The following CCDC144A variants were observed in gnomAD, a reference collection of about 807,000 sequenced individuals.
CCDC144A encodes the protein coiled-coil domain-containing protein 144A.
Under a neutral mutation model 143.8 loss-of-function variants are expected in CCDC144A, and 41 were observed. That is an observed-to-expected ratio of 0.29 (90% CI 0.22 to 0.37). The LOEUF is 0.37. Among genes scored for constraint, CCDC144A ranks in the 10% least tolerant of loss-of-function variants. CCDC144A has a pLI of 1.00. For missense variants in CCDC144A, 637 were observed against 1,488.8 expected (o/e 0.43, Z 9.41); for synonymous variants, 242 against 517.9 (o/e 0.47, Z 7.23).
At chr17:16,704,235 A>G (rs1275791112) in intron 2 of CCDC144A, among the ~76,000 whole-genome samples, 2 of 152,146 alleles carry the variant, frequency 1.3e-5, no homozygotes, top group Non-Finnish European at 1.5e-5. Flanking sequence ...CAGGCGGATC[A>G]TGAGGTCAGG....
At chr17:16,746,278 T>TC in intron 12 of CCDC144A, 1 of 1,268,436 alleles carries the variant, frequency 7.9e-7, no homozygotes, top group Non-Finnish European at 1.1e-6. Context: ...TCTCTTTTTT[T>TC]TTTTTTTTGC....
At position 16,761,492 on chromosome 17, in the gene CCDC144A, T is replaced by G; in HGVS notation, c.3440T>G (p.Val1147Gly). ...RCLHLDAENEVLQLQQTLFSM... is the reference protein window; with the variant it reads ...RCLHLDAENEGLQLQQTLFSM... ...CTACATCTGGATGCAGAGAATGAAG[T>G]TCTTCAACTTCAACAGACATTATTC... The change falls in exon 13 of 17, where the codon GTT becomes GGT. Residue 1147 changes from valine to glycine, a missense_variant. Physicochemically the swap from Val to Gly is moderately radical, Grantham distance 109 (BLOSUM62 -3). Transcript: ENST00000399273. The G allele has an allele frequency of 6.3e-7, 1 of 1,578,780 alleles. No homozygotes were observed. Among genetic ancestry groups the G allele is most frequent in the Admixed American group, 1.8e-5 (1 of 54,176 alleles).
intron 12 of CCDC144A, among the ~76,000 whole-genome samples, chr17:16,753,447 T>G (rs1379469907): frequency 5.8e-4 from 76 of 131,432 alleles, no homozygotes; most frequent in East Asian, 1.3e-3. Flanking sequence ...TTTTTTTTTT[T>G]TTTTTTTTTG....
intron 3 of CCDC144A, 91 bp from the exon 4 acceptor site, chr17:16,707,378 A>G: frequency 1.5e-6 from 1 of 671,734 alleles, no homozygotes; most frequent in South Asian, 2.0e-5. Flanking sequence ...TATGAAATAA[A>G]ATGAAATGTA....
rs1348958545 is a variant in CCDC144A, at chr17:16,751,266, C to CT, written c.3373-10152dup. 5.9e-5 allele frequency among the ~76,000 whole-genome samples: 9 copies of CT among 151,548 alleles called. No homozygotes were observed. The East Asian group carries it at 1.7e-3, about 29-fold the overall frequency. Reference sequence around the variant, plus strand: ...TGTGTATTGTGTATAGTTGATTGGCCTTTTTTTCTGGGTGGTTTCAGATGG... The same window carrying CT: ...TGTGTATTGTGTATAGTTGATTGGCCTTTTTTTTCTGGGTGGTTTCAGATGG... On this transcript the variant is annotated intron_variant, in intron 12 of 16. Transcript: ENST00000399273.
At chr17:16,684,117 G>A in the CCDC144A span, 1 of 1,125,618 alleles carries the variant, frequency 8.9e-7, no homozygotes, top group Non-Finnish European at 1.4e-6. Flanking sequence ...ATAACTAACT[G>A]GGTTCAAGGT....
Position 16,734,827 on chromosome 17 carries a change from C to T in CCDC144A, c.2556C>T (p.Asp852=), listed in dbSNP as rs1913918784. 2 of 1,560,182 alleles carry T rather than the reference C, an allele frequency of 1.3e-6. No homozygotes were observed. The highest frequency in any genetic ancestry group is 1.2e-5 in the South Asian group (1 of 82,628). ...NKQKEKKYFE[D]IEAVKEKNDN... ...AAAAGGAAAAGAAATATTTTGAGGA[C>T]ATTGAGGCTGTGAAAGAAAAGAATG... The change falls in exon 12 of 17, where the codon GAC becomes GAT. Residue 852 remains aspartate (D), a synonymous_variant. Coordinates refer to ENST00000399273, the MANE Select transcript of CCDC144A (RefSeq NM_001382000.1).
chr17:16,692,566 T>C (rs1597525778), intron 1 of CCDC144A, among the ~76,000 whole-genome samples: 1 of 146,924 alleles, frequency 6.8e-6, no homozygotes. Flanking sequence ...ATTTCATTGC[T>C]TCACTGTTTC....
the CCDC144A span, among the ~76,000 whole-genome samples, chr17:16,680,831 A>G: frequency 6.6e-6 from 1 of 152,136 alleles, no homozygotes; most frequent in African/African-American, 2.4e-5. Context: ...TATGAAGTTG[A>G]TTCAAATATC....
intron 1 of CCDC144A, among the ~76,000 whole-genome samples, chr17:16,691,336 C>T (rs528404683): frequency 1.3e-5 from 2 of 152,182 alleles, no homozygotes; most frequent in Admixed American, 1.3e-4. Context: ...TTTCTTAGAT[C>T]GTGGAATGTC....
At chr17:16,739,240 TC>T (rs1219969586) in intron 12 of CCDC144A, among the ~76,000 whole-genome samples, 4 of 131,686 alleles carry the variant, frequency 3.0e-5, no homozygotes, top group African/African-American at 1.3e-4. Flanking sequence ...CTTTTTATTT[TC>T]TTTTTTATGA....
chr17:16,683,546 G>A, the CCDC144A span: 1 of 1,582,782 alleles, frequency 6.3e-7, no homozygotes, highest in African/African-American at 1.3e-5. Flanking sequence ...GCAAGTCCGC[G>A]GTCTTTCTGA....
intron 1 of CCDC144A, among the ~76,000 whole-genome samples, chr17:16,691,519 T>A (rs1172016118): frequency 6.6e-6 from 1 of 151,764 alleles, no homozygotes; most frequent in African/African-American, 2.4e-5. Context: ...CCCAGCAATT[T>A]GGGAGGCTAA....
rs1181735299 is a variant in CCDC144A at position 16,777,163 on chromosome 17, C to T, written c.*3530C>T. ...GGACTAGTTCAACAGGAAAATATCA[C>T]AGTCCTAAATATATATGCACCTAAT... On this transcript the variant is annotated 3_prime_UTR_variant, in exon 17 of 17. Transcript: ENST00000399273. 2 of 137,404 alleles carry T rather than the reference C, an allele frequency of 1.5e-5. No homozygotes were observed. The highest frequency in any genetic ancestry group is 3.1e-5 in the Non-Finnish European group (2 of 64,858). The allele number at this position is 137,404 out of a possible 1,614,324, so 8.5% of individuals were successfully genotyped here.
rs761708441 is a variant in CCDC144A, at chr17:16,690,477, C to A, written c.77C>A (p.Thr26Asn). The A allele has an allele frequency of 1.9e-6, 3 of 1,613,416 alleles. No individual in the cohort carries two copies. Among genetic ancestry groups the A allele is most frequent in the South Asian group, 2.2e-5 (2 of 91,040 alleles). Residue 26 changes from threonine to asparagine, a missense_variant, in exon 1 of 17, where the codon ACC becomes AAC. Thr to Asn is a moderately conservative substitution (Grantham distance 65). Coordinates refer to ENST00000399273, the MANE Select transcript of CCDC144A (RefSeq NM_001382000.1). ...CCGGCAGTCTACGCCACGAGGAAGA[C>A]CCCTAGCGTCGGGAGCCAGGGGGAC... The part of the protein sequence containing the change: ...PKPAVYATRK[T>N]PSVGSQGDQW...
At chr17:16,723,535 G>A (rs918131935) in intron 8 of CCDC144A, among the ~76,000 whole-genome samples, 7 of 152,062 alleles carry the variant, frequency 4.6e-5, no homozygotes, top group Non-Finnish European at 1.0e-4. Flanking sequence ...CATAGACTGG[G>A]TAGCTTATAA....
intron 12 of CCDC144A, among the ~76,000 whole-genome samples, chr17:16,743,587 A>C (rs1192093843): frequency 6.6e-6 from 1 of 151,912 alleles, no homozygotes; most frequent in Non-Finnish European, 1.5e-5. Flanking sequence ...TTGCAGTTCC[A>C]TATGAATTTT....
intron 2 of CCDC144A, among the ~76,000 whole-genome samples, chr17:16,698,628 T>C (rs933946694): frequency 6.6e-6 from 1 of 152,162 alleles, no homozygotes; most frequent in African/African-American, 2.4e-5. Flanking sequence ...TGCTTTTTTG[T>C]GGAAATGCTT....
chr17:16,691,536 C>T (rs986937156), intron 1 of CCDC144A, among the ~76,000 whole-genome samples: 5 of 151,702 alleles, frequency 3.3e-5, no homozygotes, highest in Non-Finnish European at 7.4e-5. Flanking sequence ...CTAAGGTGGG[C>T]GGATCACGAG....
Sources: allele counts gnomAD v4.1 joint callset (sites outside exome capture counted in the v4.1 genomes callset), GRCh38; gene constraint gnomAD v4.1.1; transcripts MANE v1.5; gene names NCBI Gene and HGNC (gene_info 2026-07-23, HGNC 2026-07-21).